CPEB4: variants seen among roughly 807,000 people sequenced by gnomAD.
The protein encoded by CPEB4 is cytoplasmic polyadenylation element-binding protein 4.
Under a neutral mutation model 72.5 loss-of-function variants are expected in CPEB4, and 12 were observed. That is an observed-to-expected ratio of 0.17 (90% confidence interval 0.11 to 0.27). CPEB4 has a LOEUF of 0.27. Ranked by LOEUF, CPEB4 falls within the 10% of genes least tolerant of loss-of-function variation. The pLI, the probability that CPEB4 is intolerant of heterozygous loss-of-function variation, is 1.00. For missense variants in CPEB4, 614 were observed against 908.5 expected (o/e 0.68, Z 4.17); for synonymous variants, 302 against 326.3 (o/e 0.93, Z 0.80).
chr5:173,889,877 C>T lies in CPEB4; in HGVS notation c.144C>T (p.Asn48=). The change falls in exon 1 of 10, where the codon AAC becomes AAT. Residue 48 remains asparagine (N), a synonymous_variant. Transcript: ENST00000265085. ...GCCCTGCTGCTTTTATAAATAATAACACAGCTGCCAATGGCAGCAGTGCTG... is the reference window on the plus strand; with the variant it reads ...GCCCTGCTGCTTTTATAAATAATAATACAGCTGCCAATGGCAGCAGTGCTG... ...TPSPAAFINN[N]TAANGSSAGS... The T allele has an allele frequency of 6.2e-7, 1 of 1,614,156 alleles. No homozygotes were observed. The highest frequency in any genetic ancestry group is 1.1e-5 in the South Asian group (1 of 91,088).
chr5:173,944,849 C>G, intron 4 of CPEB4, 118 bp from the exon 5 acceptor site: 2 of 840,276 alleles, frequency 2.4e-6, no homozygotes, highest in East Asian at 4.9e-5. Context: ...TTCTATTATT[C>G]AGTGAGAAAA....
intron 3 of CPEB4, among the ~76,000 whole-genome samples, chr5:173,940,936 ACAAT>A (rs1437031229): frequency 6.6e-6 from 1 of 152,204 alleles, no homozygotes; most frequent in Non-Finnish European, 1.5e-5. Context: ...TTTATAGTAT[ACAAT>A]CAAAGTTTGA....
rs560254759 is a variant in CPEB4 at position 173,888,508 on chromosome 5, A to G, written c.-1226A>G. On this transcript the variant is annotated 5_prime_UTR_variant, in exon 1 of 10. Coordinates refer to ENST00000265085, the MANE Select transcript of CPEB4 (RefSeq NM_030627.4). This position sits in a 1 kb window ranked among gnomAD's most constrained non-coding sequence, Gnocchi z 4.3. ...GAACCAGGAGGAGTCCTCAACAACG[A>G]CAGCGGGGACTGCGGGACCAGGGTA... 1,265 of 408,414 alleles carry G rather than the reference A, an allele frequency of 3.1e-3. 6 individuals carry two copies. Among genetic ancestry groups the G allele is most frequent in the Non-Finnish European group, 2.5e-3 (578 of 232,668 alleles). The allele number at this position is 408,414 out of a possible 1,614,324, so 25.3% of individuals were successfully genotyped here.
chr5:173,888,840 C>T lies in CPEB4; in HGVS notation c.-894C>T. ...CCAGGTCGCCCCCTCGGTCCCCGCA[C>T]CCCCAGGCCGCCCGCTCACCCTCGT... On this transcript the variant is annotated 5_prime_UTR_variant, in exon 1 of 10. Coordinates refer to ENST00000265085, the MANE Select transcript of CPEB4 (RefSeq NM_030627.4). The surrounding 1 kb of genome is among the most constrained non-coding windows in gnomAD (Gnocchi z 4.3). The T allele has an allele frequency of 6.8e-6, 2 of 295,160 alleles. No individual in the cohort carries two copies. The highest frequency in any genetic ancestry group is 1.2e-5 in the Non-Finnish European group (2 of 161,184). The allele number at this position is 295,160 out of a possible 1,614,324, so 18.3% of individuals were successfully genotyped here.
At chr5:173,911,279 A>AT (rs995505720) in intron 2 of CPEB4, among the ~76,000 whole-genome samples, 6 of 149,424 alleles carry the variant, frequency 4.0e-5, no homozygotes, top group South Asian at 2.1e-4. Flanking sequence ...GCATGTTTTT[A>AT]TTTTTTTTTG....
At chr5:173,901,437 C>T (rs984144076) in intron 1 of CPEB4, among the ~76,000 whole-genome samples, 1 of 152,220 alleles carries the variant, frequency 6.6e-6, no homozygotes, top group Non-Finnish European at 1.5e-5. Flanking sequence ...ATATGAGATG[C>T]TGTTAAATGT....
chr5:173,894,481 C>T (rs545944439), intron 1 of CPEB4, among the ~76,000 whole-genome samples: 27 of 151,622 alleles, frequency 1.8e-4, no homozygotes, highest in South Asian at 4.2e-4. Context: ...ATTAGCTGGG[C>T]GTGGTGGTGG....
In CPEB4 at chr5:173,891,695, T is replaced by C. The variant is rs1755817516; in HGVS notation, c.1125+837T>C. The C allele has an allele frequency of 2.0e-5, 3 of 152,210 alleles. No homozygotes were observed. The South Asian group carries it at 6.2e-4, about 32-fold the overall frequency. 9.4% of individuals were successfully genotyped at this position (152,210 alleles called of 1,614,324 possible). On this transcript the variant is annotated intron_variant, in intron 1 of 9. Coordinates refer to ENST00000265085, the MANE Select transcript of CPEB4 (RefSeq NM_030627.4). The stretch of plus-strand genomic sequence containing the variant: ...AGAGTCATTGATGTTTTTGAATTAA[T>C]GAGCAGCAAGTTAGGTTGATATGAA...
At chr5:173,934,767 C>T (rs1757563668) in intron 3 of CPEB4, among the ~76,000 whole-genome samples, 1 of 152,142 alleles carries the variant, frequency 6.6e-6, no homozygotes, top group South Asian at 2.1e-4. Context: ...CAGAAGATTG[C>T]TTGAAAGTCG....
At chr5:173,929,670 C>A (rs1757371143) in intron 2 of CPEB4, among the ~76,000 whole-genome samples, 1 of 152,042 alleles carries the variant, frequency 6.6e-6, no homozygotes, top group Non-Finnish European at 1.5e-5. Flanking sequence ...TGCACTCCAG[C>A]CTGGGCAACA....
At chr5:173,898,671 A>G (rs1409783803) in intron 1 of CPEB4, among the ~76,000 whole-genome samples, 1 of 152,212 alleles carries the variant, frequency 6.6e-6, no homozygotes. Flanking sequence ...GGTGTGTGAT[A>G]ATTTGAACTT....
At chr5:173,954,295 C>T (rs1432584162) in intron 9 of CPEB4, among the ~76,000 whole-genome samples, 1 of 152,152 alleles carries the variant, frequency 6.6e-6, no homozygotes, top group Non-Finnish European at 1.5e-5. Flanking sequence ...GGTCATCCTA[C>T]AAACTGTGAA....
rs904563308 is a variant in CPEB4, at chr5:173,958,055, G to C, written c.*1918G>C. The stretch of plus-strand genomic sequence containing the variant: ...ATGATTCTAATTGGAATGTTCATTT[G>C]CCTCTTTTTACTCTTTTAAATGCTT... On this transcript the variant is annotated 3_prime_UTR_variant, in exon 10 of 10. Transcript: ENST00000265085. 3.9e-5 allele frequency: 6 copies of C among 152,564 alleles called. No individual in the cohort carries two copies. Among genetic ancestry groups the C allele is most frequent in the African/African-American group, 1.5e-4 (6 of 41,366 alleles). The allele number at this position is 152,564 out of a possible 1,614,324, so 9.5% of individuals were successfully genotyped here. A position where few individuals can be genotyped will look rare whatever the true frequency, so the allele number is the denominator to read the frequency against.
rs181834908 is a variant in CPEB4 at position 173,928,121 on chromosome 5, T to C, written c.1208-4329T>C. ...GCAAGTCTGTGAGACAATAAAAAGG[T>C]CAGGGGTTGGGGGCTGGCGAAGAGG... On this transcript the variant is annotated intron_variant, in intron 2 of 9. Transcript: ENST00000265085. Among the ~76,000 whole-genome samples the C allele has an allele frequency of 7.2e-5, 11 of 152,104 alleles. No individual in the cohort carries two copies. In the East Asian group the frequency reaches 2.1e-3, roughly 29 times the overall value.
chr5:173,930,618 A>G (rs1349196325), intron 2 of CPEB4, among the ~76,000 whole-genome samples: 8 of 152,150 alleles, frequency 5.3e-5, no homozygotes, highest in Admixed American at 4.6e-4. Flanking sequence ...CTCCCTACAT[A>G]GGACTAAGCT....
chr5:173,910,412 G>C (rs1561611846), intron 1 of CPEB4, 111 bp from the exon 2 acceptor site: 2 of 725,896 alleles, frequency 2.8e-6, no homozygotes, highest in Non-Finnish European at 2.4e-6. Flanking sequence ...GCCTTACATA[G>C]AGAGTAAAAT....
chr5:173,960,171 T>A lies in CPEB4; in HGVS notation c.*4034T>A, dbSNP rs1170485860. ...AAGTTATATAACACAGTTCCTTTTT[T>A]AAAAGAGTTCATTTGTTGAAGTGCT... is the stretch of plus-strand genomic sequence containing the variant. On this transcript the variant is annotated 3_prime_UTR_variant, in exon 10 of 10. Coordinates refer to ENST00000265085, the MANE Select transcript of CPEB4 (RefSeq NM_030627.4). 6.5e-6 allele frequency: 1 copy of A among 152,718 alleles called. No individual in the cohort carries two copies. The highest frequency in any genetic ancestry group is 1.5e-5 in the Non-Finnish European group (1 of 68,018). 9.5% of individuals were successfully genotyped at this position (152,718 alleles called of 1,614,324 possible).
Position 173,900,022 on chromosome 5 carries a change from G to A in CPEB4, c.1125+9164G>A, listed in dbSNP as rs141784174. ...GTTGTGAGAGTCTGGAAATGTGGAG[G>A]CTGGGCACAAGCTGCCTTTTGAGAT... is the stretch of plus-strand genomic sequence containing the variant. On this transcript the variant is annotated intron_variant, in intron 1 of 9. Transcript: ENST00000265085. The surrounding 1 kb of genome is among the most constrained non-coding windows in gnomAD (Gnocchi z 4.4). 2.0e-4 allele frequency among the ~76,000 whole-genome samples: 30 copies of A among 152,186 alleles called. No individual in the cohort carries two copies. Among genetic ancestry groups the A allele is most frequent in the African/African-American group, 6.7e-4 (28 of 41,518 alleles).
In CPEB4 at chr5:173,896,408, C is replaced by A. The variant is rs1756014147; in HGVS notation, c.1125+5550C>A. On this transcript the variant is annotated intron_variant, in intron 1 of 9. Coordinates refer to ENST00000265085, the MANE Select transcript of CPEB4 (RefSeq NM_030627.4). Reference sequence around the variant, plus strand: ...TATTGGAGATTCCCATCCATTTTTTCTCACCGCATTTTATCTTATTGAAAC... The same window carrying A: ...TATTGGAGATTCCCATCCATTTTTTATCACCGCATTTTATCTTATTGAAAC... 3.3e-5 allele frequency among the ~76,000 whole-genome samples: 5 copies of A among 152,090 alleles called. 1 individual carries two copies. In the South Asian group the frequency reaches 1.0e-3, roughly 31 times the overall value.
Sources: allele counts gnomAD v4.1 joint callset (sites outside exome capture counted in the v4.1 genomes callset), GRCh38; gene constraint gnomAD v4.1.1; non-coding constraint Gnocchi (gnomAD v3.1); transcripts MANE v1.5; gene names NCBI Gene and HGNC (gene_info 2026-07-23, HGNC 2026-07-21).